GRB10: variants seen among roughly 807,000 people sequenced by gnomAD.
GRB10 encodes the protein growth factor receptor bound protein 10.
In GRB10, 20 loss-of-function variants were observed where a neutral mutation model predicts 80.9. The observed-to-expected ratio is 0.25, with a 90% CI of 0.17 to 0.36. The LOEUF (loss-of-function observed/expected upper bound fraction) is 0.36, where lower values mean the gene tolerates loss of function less well. Ranked by LOEUF, GRB10 falls within the 10% of genes least tolerant of loss-of-function variation. The probability of loss-of-function intolerance (pLI) is 1.00; values close to 1 mark genes in which losing one functional copy is unlikely to be tolerated. For missense variants in GRB10, 548 were observed against 747.7 expected (o/e 0.73, Z 3.12); for synonymous variants, 291 against 291.5 (o/e 1.00, Z 0.02).
intron 5 of GRB10, among the ~76,000 whole-genome samples, chr7:50,702,676 T>A (rs1383483160): frequency 1.3e-5 from 2 of 152,184 alleles, no homozygotes; most frequent in Non-Finnish European, 2.9e-5. Flanking sequence ...ACGGTGTAAC[T>A]CCACATCAGG....
intron 15 of GRB10, chr7:50,604,869 AAG>A: frequency 3.5e-6 from 1 of 289,658 alleles, no homozygotes; most frequent in Non-Finnish European, 6.5e-6. Flanking sequence ...CCTGGAGATT[AAG>A]AACCTAAGCC....
At position 50,616,899 on chromosome 7, in the gene GRB10, A is replaced by T. The variant is rs377122731; in HGVS notation, c.847-552T>A. ...AGAAACTACGCTTTTCATCAAAGGG[A>T]AGACAGGCCAAGGGCCAGGTCATGG... On this transcript the variant is annotated intron_variant, in intron 10 of 18. Coordinates refer to ENST00000401949, the MANE Select transcript of GRB10 (RefSeq NM_001350814.2). Among the ~76,000 whole-genome samples, 17 of 152,368 alleles carry T rather than the reference A, an allele frequency of 1.1e-4. No homozygotes were observed. The South Asian group carries it at 3.3e-3, about 30-fold the overall frequency.
intron 1 of GRB10, among the ~76,000 whole-genome samples, chr7:50,788,734 C>G (rs1314158275): frequency 6.6e-6 from 1 of 152,216 alleles, no homozygotes; most frequent in African/African-American, 2.4e-5. Context: ...CTAGCACAGC[C>G]CTGGATAGAG....
intron 17 of GRB10, among the ~76,000 whole-genome samples, chr7:50,601,681 A>T (rs113735603): frequency 6.6e-6 from 1 of 152,162 alleles, no homozygotes; most frequent in African/African-American, 2.4e-5. Flanking sequence ...GAAAAAAAAA[A>T]CAACAAAATC....
chr7:50,744,314 A>G (rs1329944828), intron 3 of GRB10, among the ~76,000 whole-genome samples: 1 of 152,312 alleles, frequency 6.6e-6, no homozygotes, highest in East Asian at 1.9e-4. Context: ...TGCTCCAGAG[A>G]TCAAAGCATC....
At chr7:50,773,400 A>AGGGGAAGAGAAG (rs2077185778) in intron 2 of GRB10, among the ~76,000 whole-genome samples, 1 of 62,806 alleles carries the variant, frequency 1.6e-5, no homozygotes, top group Non-Finnish European at 4.0e-5. Flanking sequence ...GGGGAAGGGA[A>AGGGGAAGAGAAG]GGGGAAGGGG....
intron 5 of GRB10, among the ~76,000 whole-genome samples, chr7:50,698,169 AT>A (rs1054657734): frequency 1.6e-4 from 25 of 152,012 alleles, no homozygotes; most frequent in African/African-American, 6.0e-4. Flanking sequence ...TATTTATAGG[AT>A]TTTTTTTACA....
At chr7:50,630,674 C>T (rs2053827747) in intron 7 of GRB10, among the ~76,000 whole-genome samples, 1 of 152,188 alleles carries the variant, frequency 6.6e-6, no homozygotes, top group South Asian at 2.1e-4. Context: ...CAATTTCTTT[C>T]TCTCTACTGC....
chr7:50,703,218 C>A (rs2064496890), intron 5 of GRB10, among the ~76,000 whole-genome samples: 1 of 152,204 alleles, frequency 6.6e-6, no homozygotes, highest in Non-Finnish European at 1.5e-5. Context: ...AGCTCTAGGA[C>A]CTGTGATTTA....
intron 17 of GRB10, among the ~76,000 whole-genome samples, chr7:50,599,570 G>A (rs896329821): frequency 1.3e-5 from 2 of 152,320 alleles, no homozygotes; most frequent in Admixed American, 6.5e-5. Flanking sequence ...AGCCTAAGGC[G>A]GGAGCTGGAA....
intron 5 of GRB10, among the ~76,000 whole-genome samples, chr7:50,702,194 G>A (rs2064337922): frequency 6.6e-6 from 1 of 152,194 alleles, no homozygotes; most frequent in South Asian, 2.1e-4. Context: ...TGGCTGCCTG[G>A]CCATGAGTTC....
intron 8 of GRB10, among the ~76,000 whole-genome samples, chr7:50,622,328 C>T (rs773582607): frequency 4.6e-5 from 7 of 152,184 alleles, no homozygotes; most frequent in Non-Finnish European, 7.3e-5. Flanking sequence ...CAACAGGCGC[C>T]GGCTGTTTCT....
chr7:50,744,596 T>C (rs2072532383), intron 3 of GRB10, among the ~76,000 whole-genome samples: 1 of 152,222 alleles, frequency 6.6e-6, no homozygotes, highest in East Asian at 1.9e-4. Flanking sequence ...GTAAGCTCTT[T>C]GGGAGCACTT....
At chr7:50,748,106 T>C (rs2073334880) in intron 3 of GRB10, among the ~76,000 whole-genome samples, 1 of 152,186 alleles carries the variant, frequency 6.6e-6, no homozygotes, top group Non-Finnish European at 1.5e-5. Context: ...GGTGACACTG[T>C]TATTTCAGGA....
intron 3 of GRB10, 54 bp from the exon 4 acceptor site, chr7:50,732,422 A>G (rs1237447941): frequency 7.5e-6 from 8 of 1,063,160 alleles, no homozygotes; most frequent in Non-Finnish European, 1.2e-5. Flanking sequence ...AAAAAAATCC[A>G]CTACTTATGG....
At chr7:50,735,903 C>T (rs956117905) in intron 3 of GRB10, among the ~76,000 whole-genome samples, 3 of 152,060 alleles carry the variant, frequency 2.0e-5, no homozygotes, top group African/African-American at 7.2e-5. Context: ...AAAAAGCCAT[C>T]CTAAAATTCA....
At chr7:50,739,292 T>C (rs1043550314) in intron 3 of GRB10, among the ~76,000 whole-genome samples, 1 of 152,222 alleles carries the variant, frequency 6.6e-6, no homozygotes, top group Non-Finnish European at 1.5e-5. Flanking sequence ...AAAAGTACAT[T>C]GGGTGTTCCT....
chr7:50,704,676 C>T (rs908069660), intron 4 of GRB10, among the ~76,000 whole-genome samples: 2 of 152,212 alleles, frequency 1.3e-5, no homozygotes, highest in Non-Finnish European at 2.9e-5. Context: ...TACATTGTCA[C>T]AAATATCATA....
chr7:50,756,720 C>T lies in GRB10; in HGVS notation c.-216-664G>A, dbSNP rs560284547. 1.7e-4 allele frequency among the ~76,000 whole-genome samples: 26 copies of T among 152,242 alleles called. No individual in the cohort carries two copies. The South Asian group carries it at 5.4e-3, about 32-fold the overall frequency. On this transcript the variant is annotated intron_variant, in intron 2 of 18. Coordinates refer to ENST00000401949, the MANE Select transcript of GRB10 (RefSeq NM_001350814.2). ...GGTGGAGACCAATTGAAACCCCTAC[C>T]GGAGGAGACTTTATAGTGACCTGGG...
Sources: gnomAD v4.1 joint callset for allele counts (sites outside exome capture counted in the v4.1 genomes callset) on GRCh38, gnomAD v4.1.1 for gene constraint, MANE v1.5 for transcripts, NCBI Gene and HGNC (gene_info 2026-07-23, HGNC 2026-07-21) for gene names.